The following CADPS2 variants were observed in gnomAD, a reference collection of about 807,000 sequenced individuals.
CADPS2 encodes calcium-dependent secretion activator 2.
CADPS2 carries 93 observed loss-of-function variants against 172.5 expected under a neutral mutation model. The observed-to-expected ratio is 0.54, with a 90% CI of 0.46 to 0.64. CADPS2 has a LOEUF of 0.64. Among genes scored for constraint, CADPS2 ranks in the 30% least tolerant of loss-of-function variants. The pLI is 0.00. For missense variants in CADPS2, 1,420 were observed against 1,565.9 expected, an observed-to-expected ratio of 0.91 and a Z score of 1.57; for synonymous variants, 546 against 555.2, an observed-to-expected ratio of 0.98 and a Z score of 0.23.
At chr7:122,798,787 G>GT (rs1334128332) in intron 1 of CADPS2, among the ~76,000 whole-genome samples, 1 of 151,944 alleles carries the variant, frequency 6.6e-6, no homozygotes, top group Non-Finnish European at 1.5e-5. Flanking sequence ...TGAAAGTAAT[G>GT]TTTGAGTTTT....
intron 1 of CADPS2, among the ~76,000 whole-genome samples, chr7:122,742,274 C>T (rs924008586): frequency 2.0e-5 from 3 of 151,168 alleles, no homozygotes; most frequent in African/African-American, 4.9e-5. Flanking sequence ...ATGTTCCTGT[C>T]GTCCCAGATA....
chr7:122,566,977 C>T (rs1179256713), intron 7 of CADPS2, among the ~76,000 whole-genome samples: 2 of 152,120 alleles, frequency 1.3e-5, no homozygotes, highest in South Asian at 2.1e-4. Flanking sequence ...GATAACAATA[C>T]AGTAGATGCC....
At chr7:122,616,617 A>G (rs1012857036) in intron 5 of CADPS2, among the ~76,000 whole-genome samples, 1 of 152,190 alleles carries the variant, frequency 6.6e-6, no homozygotes, top group Non-Finnish European at 1.5e-5. Flanking sequence ...ATGGAAATAC[A>G]TACCAACATA....
intron 1 of CADPS2, among the ~76,000 whole-genome samples, chr7:122,847,765 C>T (rs1812412880): frequency 6.6e-6 from 1 of 152,170 alleles, no homozygotes; most frequent in Admixed American, 6.5e-5. Flanking sequence ...CTGCTCCGAA[C>T]TCATACTTAC....
intron 2 of CADPS2, among the ~76,000 whole-genome samples, chr7:122,705,496 T>C (rs1172137806): frequency 1.6e-5 from 2 of 123,150 alleles, no homozygotes; most frequent in Admixed American, 9.9e-5. Flanking sequence ...ATATATTATC[T>C]ATATTATATA....
chr7:122,745,149 C>T (rs1247212716), intron 1 of CADPS2, among the ~76,000 whole-genome samples: 1 of 151,654 alleles, frequency 6.6e-6, no homozygotes, highest in African/African-American at 2.4e-5. Context: ...ATGGCAGGAG[C>T]GGTGAGAACA....
chr7:122,830,639 G>A lies in CADPS2; in HGVS notation c.339+55360C>T, dbSNP rs571645852. ...AAACATTGGATTTCAATGCTGAGGCGTCTTCAATTTTCTATCTCATAGGTT... is the reference window on the plus strand; with the variant it reads ...AAACATTGGATTTCAATGCTGAGGCATCTTCAATTTTCTATCTCATAGGTT... On this transcript the variant is annotated intron_variant, in intron 1 of 29. Coordinates refer to ENST00000449022, the MANE Select transcript of CADPS2 (RefSeq NM_017954.11). Among the ~76,000 whole-genome samples the A allele has an allele frequency of 8.5e-5, 13 of 152,254 alleles. No individual in the cohort carries two copies. The South Asian group carries it at 1.5e-3, about 17-fold the overall frequency.
intron 1 of CADPS2, among the ~76,000 whole-genome samples, chr7:122,746,864 C>A (rs1224840507): frequency 6.6e-6 from 1 of 152,108 alleles, no homozygotes; most frequent in South Asian, 2.1e-4. Context: ...TTTAACAGGA[C>A]TCTCCCTGAA....
intron 12 of CADPS2, among the ~76,000 whole-genome samples, chr7:122,475,245 G>A (rs1253642240): frequency 2.0e-5 from 3 of 152,162 alleles, no homozygotes; most frequent in Middle Eastern, 3.2e-3. Context: ...TTCAATGTGA[G>A]TTATTTACTA....
chr7:122,454,491 A>G (rs1462924525), intron 14 of CADPS2, among the ~76,000 whole-genome samples: 2 of 152,198 alleles, frequency 1.3e-5, no homozygotes, highest in African/African-American at 4.8e-5. Flanking sequence ...TGAAAGTTAT[A>G]TTTGAAAAGC....
intron 4 of CADPS2, among the ~76,000 whole-genome samples, chr7:122,625,053 AT>A (rs35127611): frequency 0.74 from 109,846 of 147,740 alleles, 41,248 homozygotes; most frequent in Middle Eastern, 0.88. Flanking sequence ...ATGATTAATT[AT>A]TTTTTTTTTT....
chr7:122,697,336 T>C (rs1279294236), intron 2 of CADPS2, among the ~76,000 whole-genome samples: 1 of 152,138 alleles, frequency 6.6e-6, no homozygotes, highest in Non-Finnish European at 1.5e-5. Context: ...AGACATACTA[T>C]AAATATGTTA....
chr7:122,815,961 A>G (rs1334855822), intron 1 of CADPS2, among the ~76,000 whole-genome samples: 1 of 152,208 alleles, frequency 6.6e-6, no homozygotes, highest in Non-Finnish European at 1.5e-5. Flanking sequence ...AATGTTAATT[A>G]TCAAATGAGG....
At chr7:122,777,080 G>A (rs2093907068) in intron 1 of CADPS2, among the ~76,000 whole-genome samples, 2 of 152,152 alleles carry the variant, frequency 1.3e-5, no homozygotes, top group Non-Finnish European at 2.9e-5. Context: ...GAGCCTAGGA[G>A]ACTGAGGCTG....
At chr7:122,505,718 C>T (rs540101069) in intron 9 of CADPS2, among the ~76,000 whole-genome samples, 3 of 152,218 alleles carry the variant, frequency 2.0e-5, no homozygotes, top group Admixed American at 6.5e-5. Flanking sequence ...TGCAATCTGG[C>T]GTTTCGAATA....
chr7:122,554,632 C>G lies in CADPS2; in HGVS notation c.1393G>C (p.Val465Leu). The change falls in exon 8 of 30, where the codon GTT (valine) becomes CTT (leucine). Residue 465 changes from valine (V) to leucine (L), a missense_variant. By Grantham distance (32) the Val-to-Leu change is conservative. Transcript: ENST00000449022. ...SKSAELHRMV[V>L]PKNSQDSDLK... ...TCAGAATCCTGGCTATTTTTTGGAA[C>G]TACCATTCGGTGTAATTCAGCTGAT... 1 of 1,611,604 alleles carries G rather than the reference C, an allele frequency of 6.2e-7. No homozygotes were observed. Among genetic ancestry groups the G allele is most frequent in the South Asian group, 1.1e-5 (1 of 90,886 alleles).
At chr7:122,616,349 T>C (rs2074919977) in intron 5 of CADPS2, among the ~76,000 whole-genome samples, 1 of 152,048 alleles carries the variant, frequency 6.6e-6, no homozygotes, top group Non-Finnish European at 1.5e-5. Context: ...ATTACAGTCA[T>C]CACATTTTTT....
At chr7:122,683,506 G>A (rs139824889) in intron 2 of CADPS2, among the ~76,000 whole-genome samples, 308 of 152,118 alleles carry the variant, frequency 2.0e-3, no homozygotes, top group African/African-American at 6.2e-3. Context: ...TTTTTGTTTC[G>A]TAACAATTTT....
chr7:122,733,477 C>T (rs1003514655), intron 2 of CADPS2, among the ~76,000 whole-genome samples: 2 of 126,032 alleles, frequency 1.6e-5, no homozygotes, highest in African/African-American at 5.5e-5. Context: ...TCTCAAATGA[C>T]AATGTGAATC....
Sources: allele counts gnomAD v4.1 joint callset (sites outside exome capture counted in the v4.1 genomes callset), GRCh38; gene constraint gnomAD v4.1.1; transcripts MANE v1.5; gene names NCBI Gene and HGNC (gene_info 2026-07-23, HGNC 2026-07-21).